Variants in EXPH5 observed in about 807,000 individuals in gnomAD.
The protein encoded by EXPH5 is exophilin-5.
EXPH5 carries 42 observed loss-of-function variants against 41.1 expected under a neutral mutation model. The ratio of observed to expected loss-of-function variants is 1.02; its 90% CI spans 0.80 to 1.32. The LOEUF (loss-of-function observed/expected upper bound fraction) is 1.32, where lower values mean the gene tolerates loss of function less well. Ranked by LOEUF, EXPH5 falls within the 40% of genes most tolerant of loss-of-function variation. The pLI, the probability that EXPH5 is intolerant of heterozygous loss-of-function variation, is 0.00. For synonymous variants in EXPH5, 798 were observed against 833.5 expected (o/e 0.96, Z 0.73); for missense variants, 2,298 against 2,314.5 (o/e 0.99, Z 0.15).
At chr11:108,531,187 T>C (rs572334248) in intron 3 of EXPH5, among the ~76,000 whole-genome samples, 1 of 152,316 alleles carries the variant, frequency 6.6e-6, no homozygotes, top group South Asian at 2.1e-4. Flanking sequence ...ACAATTTCTC[T>C]TCTGGACTCC....
At chr11:108,515,072 C>A (rs1280126160) in intron 5 of EXPH5, among the ~76,000 whole-genome samples, 197 bp from the exon 6 acceptor site, 1 of 152,072 alleles carries the variant, frequency 6.6e-6, no homozygotes, top group Non-Finnish European at 1.5e-5. Context: ...AAATTTCTTT[C>A]CTACTTTTTC....
At chr11:108,526,513 C>G (rs1402439829) in intron 4 of EXPH5, among the ~76,000 whole-genome samples, 1 of 152,336 alleles carries the variant, frequency 6.6e-6, no homozygotes, top group South Asian at 2.1e-4. Context: ...GATGGTCAGT[C>G]TGAATACTTC....
rs114566953 is a variant in EXPH5 at position 108,537,830 on chromosome 11, T to C, written c.443+1194A>G. On this transcript the variant is annotated intron_variant, in intron 3 of 5. Transcript: ENST00000265843. The stretch of plus-strand genomic sequence containing the variant: ...CAAATGATATCACAAATCCTAGCTA[T>C]ACCACGCAGTGGAAATATTTTTTTC... The C allele has an allele frequency of 2.4e-3, 627 of 263,860 alleles. 4 individuals are homozygous for C. Among genetic ancestry groups the C allele is most frequent in the African/African-American group, 0.013 (579 of 43,576 alleles). 16.3% of individuals were successfully genotyped at this position (263,860 alleles called of 1,614,324 possible). A position where few individuals can be genotyped will look rare whatever the true frequency, so the allele number is the denominator to read the frequency against.
At chr11:108,582,143 A>G (rs967548609) in intron 1 of EXPH5, among the ~76,000 whole-genome samples, 6 of 152,228 alleles carry the variant, frequency 3.9e-5, no homozygotes, top group African/African-American at 1.4e-4. Context: ...TTACAAGGCT[A>G]GAATTACTGA....
intron 3 of EXPH5, among the ~76,000 whole-genome samples, chr11:108,532,874 G>T (rs966311506): frequency 3.9e-5 from 6 of 152,146 alleles, no homozygotes; most frequent in African/African-American, 1.4e-4. Context: ...CCTGGACTTT[G>T]TCTGTATGTG....
the EXPH5 span, among the ~76,000 whole-genome samples, chr11:108,604,571 G>A: frequency 6.6e-6 from 1 of 152,100 alleles, no homozygotes; most frequent in Non-Finnish European, 1.5e-5. Context: ...ATAGTTAGGA[G>A]GTCTGAGCCT....
At chr11:108,584,262 G>A (rs2094107093) in intron 1 of EXPH5, among the ~76,000 whole-genome samples, 1 of 152,100 alleles carries the variant, frequency 6.6e-6, no homozygotes, top group African/African-American at 2.4e-5. Flanking sequence ...GATCACCTGA[G>A]GTCAGGAGTT....
upstream of EXPH5, among the ~76,000 whole-genome samples, chr11:108,594,412 T>C (rs900918376): frequency 6.6e-6 from 1 of 152,208 alleles, no homozygotes; most frequent in Admixed American, 6.5e-5. Flanking sequence ...TAAGATTTTA[T>C]TATCATCTTA....
At chr11:108,526,960 G>T (rs551451792) in intron 4 of EXPH5, among the ~76,000 whole-genome samples, 2 of 152,192 alleles carry the variant, frequency 1.3e-5, no homozygotes, top group South Asian at 4.2e-4. Context: ...TCATGGTTGG[G>T]GCTGAGGCAT....
rs1047160681 is a variant in EXPH5, at chr11:108,593,717, C to G, written c.-181G>C. The G allele has an allele frequency of 6.5e-7, 1 of 1,539,572 alleles. No individual in the cohort carries two copies. The highest frequency in any genetic ancestry group is 8.7e-7 in the Non-Finnish European group (1 of 1,147,472). Reference sequence around the variant, plus strand: ...CCCACACCTGAAGGGCTCATATTGACAATACCTTAATGACATGTTTCTCTC... The same window carrying G: ...CCCACACCTGAAGGGCTCATATTGAGAATACCTTAATGACATGTTTCTCTC... On this transcript the variant is annotated 5_prime_UTR_variant, in exon 1 of 6. Transcript: ENST00000265843.
At chr11:108,528,954 C>T (rs1469818127) in intron 3 of EXPH5, among the ~76,000 whole-genome samples, 2 of 151,778 alleles carry the variant, frequency 1.3e-5, no homozygotes, top group Non-Finnish European at 2.9e-5. Context: ...CTGCCTGCCT[C>T]GGCCTCCTAA....
intron 1 of EXPH5, among the ~76,000 whole-genome samples, chr11:108,573,176 G>GAAAGAAAGAAAGAA (rs1433684079): frequency 6.9e-6 from 1 of 145,096 alleles, no homozygotes; most frequent in African/African-American, 2.7e-5. Flanking sequence ...AAGAAAGAAA[G>GAAAGAAAGAAAGAA]AAAGAAAGAA....
At chr11:108,587,097 C>T (rs1435074328) in intron 1 of EXPH5, among the ~76,000 whole-genome samples, 3 of 147,118 alleles carry the variant, frequency 2.0e-5, no homozygotes. Context: ...CTGTGCTAAA[C>T]AGGAAGGAAA....
chr11:108,508,807 T>G lies in EXPH5; in HGVS notation c.*730A>C, dbSNP rs995943804. The G allele has an allele frequency of 1.3e-5, 2 of 152,280 alleles. No individual in the cohort carries two copies. The highest frequency in any genetic ancestry group is 2.9e-5 in the Non-Finnish European group (2 of 68,060). The allele number at this position is 152,280 out of a possible 1,614,324, so 9.4% of individuals were successfully genotyped here. On this transcript the variant is annotated 3_prime_UTR_variant, in exon 6 of 6. Coordinates refer to ENST00000265843, the MANE Select transcript of EXPH5 (RefSeq NM_015065.3). ...TCCCCCACGGTTTCAGAGGAATTTCTAGGACTGCTAACCTTCTATTGGCTT... is the reference window on the plus strand; with the variant it reads ...TCCCCCACGGTTTCAGAGGAATTTCGAGGACTGCTAACCTTCTATTGGCTT...
In EXPH5 at chr11:108,511,832, T is replaced by G. The variant is rs767396334; in HGVS notation, c.3675A>C (p.Thr1225=). ...SDLSGKERGK[T]LHKVKTTSTF... ...TACTAGTCGTCTTAACTTTATGTAA[T>G]GTTTTCCCACGTTCTTTTCCTGACA... The change falls in exon 6 of 6, where the codon ACA becomes ACC. Residue 1225 remains threonine (T), a synonymous_variant. Coordinates refer to ENST00000265843, the MANE Select transcript of EXPH5 (RefSeq NM_015065.3). The G allele has an allele frequency of 2.5e-6, 4 of 1,595,160 alleles. No homozygotes were observed. Among genetic ancestry groups the G allele is most frequent in the Non-Finnish European group, 2.6e-6 (3 of 1,174,850 alleles).
chr11:108,510,075 T>C lies in EXPH5; in HGVS notation c.5432A>G (p.His1811Arg), dbSNP rs1443512553. Residue 1811 changes from histidine to arginine, a missense_variant, in exon 6 of 6, where the codon CAT becomes CGT. His to Arg is a conservative substitution (Grantham distance 29, BLOSUM62 0). Coordinates refer to ENST00000265843, the MANE Select transcript of EXPH5 (RefSeq NM_015065.3). ...NVHGDLLRKS[H>R]PPKVRERHFS... ...ATGGCGCTCCCTGACTTTTGGAGGA[T>C]GGCTTTTTCGTAGTAGATCGCCATG... is the stretch of plus-strand genomic sequence containing the variant. 1 of 1,612,114 alleles carries C rather than the reference T, an allele frequency of 6.2e-7. No individual in the cohort carries two copies. Among genetic ancestry groups the C allele is most frequent in the East Asian group, 2.2e-5 (1 of 44,878 alleles).
At chr11:108,545,810 G>A (rs1347537523) in intron 1 of EXPH5, among the ~76,000 whole-genome samples, 1 of 152,026 alleles carries the variant, frequency 6.6e-6, no homozygotes, top group Non-Finnish European at 1.5e-5. Context: ...GGCTGAGGCA[G>A]GAGGATCCCT....
intron 1 of EXPH5, among the ~76,000 whole-genome samples, chr11:108,586,318 CA>C (rs1392771399): frequency 6.6e-6 from 1 of 152,136 alleles, no homozygotes; most frequent in Non-Finnish European, 1.5e-5. Flanking sequence ...AAGCCATTCT[CA>C]AAAGGTTATG....
chr11:108,516,050 C>A (rs1253215362), intron 5 of EXPH5, among the ~76,000 whole-genome samples: 1 of 127,326 alleles, frequency 7.9e-6, no homozygotes, highest in East Asian at 2.3e-4. Context: ...CCAGCCTGGG[C>A]GAAAGAGCGA....
Sources: gnomAD v4.1 joint callset for allele counts (sites outside exome capture counted in the v4.1 genomes callset) on GRCh38, gnomAD v4.1.1 for gene constraint, MANE v1.5 for transcripts, NCBI Gene and HGNC (gene_info 2026-07-23, HGNC 2026-07-21) for gene names.